Variants in EYS observed in about 807,000 individuals in gnomAD.
EYS encodes the protein EGF-like photoreceptor maintenance factor.
In EYS, 250 loss-of-function variants were observed where a neutral mutation model predicts 282.1. The observed-to-expected ratio is 0.89, with a 90% confidence interval of 0.80 to 0.98. The LOEUF is 0.98. Among genes scored for constraint, EYS ranks in the 50% least tolerant of loss-of-function variants. The pLI is 0.00. For synonymous variants in EYS, 1,355 were observed against 1,282.9 expected, an observed-to-expected ratio of 1.06 and a Z score of -1.20; for missense variants, 4,016 against 3,709.0, an observed-to-expected ratio of 1.08 and a Z score of -2.15.
intron 24 of EYS, among the ~76,000 whole-genome samples, chr6:64,608,628 T>G (rs1767010556): frequency 6.6e-6 from 1 of 152,144 alleles, no homozygotes; most frequent in South Asian, 2.1e-4. Context: ...ATAACAGCCT[T>G]ATTCATGATT....
rs550084849 is a variant in EYS at position 63,981,371 on chromosome 6, G to A, written c.7055+3012C>T. Among the ~76,000 whole-genome samples, 9 of 151,606 alleles carry A rather than the reference G, an allele frequency of 5.9e-5. No individual in the cohort carries two copies. In the East Asian group the frequency reaches 1.8e-3, roughly 30 times the overall value. ...GCATCTCTTCTTAGGATCCTTTCAA[G>A]AATTAAAAAAAAATTGTTGTTCTGG... On this transcript the variant is annotated intron_variant, in intron 35 of 42. Coordinates refer to ENST00000503581, the MANE Select transcript of EYS (RefSeq NM_001142800.2).
chr6:63,812,497 A>G (rs1170502378), intron 36 of EYS, among the ~76,000 whole-genome samples: 1 of 152,064 alleles, frequency 6.6e-6, no homozygotes, highest in East Asian at 1.9e-4. Context: ...CAATTCCATT[A>G]TATGTTATTT....
At chr6:65,104,879 A>C (rs1323276161) in intron 12 of EYS, among the ~76,000 whole-genome samples, 3 of 151,752 alleles carry the variant, frequency 2.0e-5, no homozygotes, top group East Asian at 1.9e-4. Flanking sequence ...ATATTTTCTG[A>C]AAACACAAAT....
chr6:64,292,062 A>G (rs1768735242), intron 30 of EYS, among the ~76,000 whole-genome samples: 1 of 152,062 alleles, frequency 6.6e-6, no homozygotes, highest in African/African-American at 2.4e-5. Flanking sequence ...AGGTTAAGTA[A>G]TTTTCCTAAG....
chr6:64,745,493 T>C (rs573843423), intron 22 of EYS, among the ~76,000 whole-genome samples: 1 of 152,216 alleles, frequency 6.6e-6, no homozygotes, highest in South Asian at 2.1e-4. Flanking sequence ...TGTATAACCA[T>C]CACCTCTATC....
At chr6:64,610,709 T>C (rs1321150206) in intron 24 of EYS, among the ~76,000 whole-genome samples, 1 of 152,220 alleles carries the variant, frequency 6.6e-6, no homozygotes, top group Non-Finnish European at 1.5e-5. Flanking sequence ...AAGCAAGTTG[T>C]AAGACATTTA....
At chr6:65,668,609 T>C (rs956317083) in intron 1 of EYS, among the ~76,000 whole-genome samples, 2 of 151,924 alleles carry the variant, frequency 1.3e-5, no homozygotes, top group Admixed American at 1.3e-4. Flanking sequence ...ACCACTGTTT[T>C]ACAGAGATTA....
At chr6:64,936,097 A>T (rs1215697619) in intron 15 of EYS, among the ~76,000 whole-genome samples, 3 of 151,680 alleles carry the variant, frequency 2.0e-5, no homozygotes, top group Admixed American at 2.0e-4. Flanking sequence ...ATACATTATG[A>T]CCAATTGGGA....
At chr6:63,893,530 GAC>G (rs1174788315) in intron 35 of EYS, among the ~76,000 whole-genome samples, 1 of 152,024 alleles carries the variant, frequency 6.6e-6, no homozygotes, top group East Asian at 1.9e-4. Flanking sequence ...GAACAATGAG[GAC>G]ATATGAGCAC....
chr6:65,519,708 ATTTTTTTTTT>A (rs59743261), intron 2 of EYS, among the ~76,000 whole-genome samples: 4 of 42,560 alleles, frequency 9.4e-5, no homozygotes, highest in East Asian at 1.1e-3. Context: ...ATATATATAT[ATTTTTTTTTT>A]TTTTTTTTTT....
At chr6:64,738,849 C>T (rs151196927) in intron 22 of EYS, among the ~76,000 whole-genome samples, 331 of 152,240 alleles carry the variant, frequency 2.2e-3, no homozygotes, top group Admixed American at 3.3e-3. Context: ...CCTCCGCCTC[C>T]CAGGTTCAAG....
chr6:64,871,466 T>C (rs1766596105), intron 19 of EYS, among the ~76,000 whole-genome samples: 1 of 151,988 alleles, frequency 6.6e-6, no homozygotes, highest in African/African-American at 2.4e-5. Flanking sequence ...ACATGTTTTC[T>C]TTTAGGCCTG....
At chr6:65,583,225 T>C (rs778488859) in intron 2 of EYS, among the ~76,000 whole-genome samples, 13 of 152,036 alleles carry the variant, frequency 8.6e-5, no homozygotes, top group Non-Finnish European at 1.6e-4. Flanking sequence ...AGATTTTAAA[T>C]GAGGGCTCAA....
In EYS at chr6:64,957,975, T is replaced by C. The variant is rs968521982; in HGVS notation, c.2260-12061A>G. ...GAGATAATATAAAGAAACGTTCAACTGTATTTTAGCCTATTTGACAGTTTT... is the reference window on the plus strand; with the variant it reads ...GAGATAATATAAAGAAACGTTCAACCGTATTTTAGCCTATTTGACAGTTTT... On this transcript the variant is annotated intron_variant, in intron 14 of 42. Coordinates refer to ENST00000503581, the MANE Select transcript of EYS (RefSeq NM_001142800.2). Among the ~76,000 whole-genome samples, 6 of 152,156 alleles carry C rather than the reference T, an allele frequency of 3.9e-5. No homozygotes were observed. In the South Asian group the frequency reaches 1.2e-3, roughly 31 times the overall value.
At chr6:64,933,972 TG>T (rs1768817116) in intron 15 of EYS, among the ~76,000 whole-genome samples, 1 of 151,596 alleles carries the variant, frequency 6.6e-6, no homozygotes, top group Non-Finnish European at 1.5e-5. Context: ...CAGGGCCTGT[TG>T]GGGGGTCAGG....
chr6:65,470,491 A>G (rs1295333819), intron 5 of EYS, among the ~76,000 whole-genome samples: 3 of 152,122 alleles, frequency 2.0e-5, no homozygotes, highest in Non-Finnish European at 4.4e-5. Context: ...AGTCTTACCA[A>G]TCTAAATATA....
chr6:63,880,407 G>A (rs575279986), intron 35 of EYS, among the ~76,000 whole-genome samples: 1 of 151,676 alleles, frequency 6.6e-6, no homozygotes, highest in African/African-American at 2.4e-5. Flanking sequence ...GCCTATTGTG[G>A]GACCTTGTGA....
intron 5 of EYS, among the ~76,000 whole-genome samples, chr6:65,435,972 C>T (rs1020286043): frequency 6.6e-6 from 1 of 152,142 alleles, no homozygotes; most frequent in Non-Finnish European, 1.5e-5. Context: ...AACTTCTAGT[C>T]TCCGGAAATG....
At position 64,661,956 on chromosome 6, in the gene EYS, C is replaced by A. The variant is rs1262546009; in HGVS notation, c.3444-35711G>T. 3.3e-5 allele frequency among the ~76,000 whole-genome samples: 5 copies of A among 151,394 alleles called. No individual in the cohort carries two copies. In the East Asian group the frequency reaches 9.7e-4, roughly 29 times the overall value. On this transcript the variant is annotated intron_variant, in intron 22 of 42. Transcript: ENST00000503581. ...CACGTATGTTTATTGCGGCACTATT[C>A]ACAATAGCAAAGACTTGGAACCAAC...
Sources: allele counts gnomAD v4.1 joint callset (sites outside exome capture counted in the v4.1 genomes callset), GRCh38; gene constraint gnomAD v4.1.1; transcripts MANE v1.5; gene names NCBI Gene and HGNC (gene_info 2026-07-23, HGNC 2026-07-21).